Variants in AGO2 observed in about 807,000 individuals in gnomAD.
AGO2 encodes the protein protein argonaute-2.
In AGO2, 5 loss-of-function variants were observed where a neutral mutation model predicts 102.3. That is an observed-to-expected ratio of 0.05 (90% CI 0.03 to 0.10). The LOEUF (loss-of-function observed/expected upper bound fraction) is 0.10. Among genes scored for constraint, AGO2 ranks in the 10% least tolerant of loss-of-function variants. AGO2 has a pLI of 1.00. For missense variants in AGO2, 541 were observed against 1,183.7 expected, an observed-to-expected ratio of 0.46 and a Z score of 7.97; for synonymous variants, 449 against 473.1, an observed-to-expected ratio of 0.95 and a Z score of 0.66.
rs13252337 is a variant in AGO2, at chr8:140,539,284, A to G, written c.2169+36T>C. 395,892 of 1,573,646 alleles carry G rather than the reference A, an allele frequency of 0.25. 52,217 individuals are homozygous for G. The highest frequency in any genetic ancestry group is 0.36 in the East Asian group (15,932 of 44,370). ...CTCGGGGTGTGGGGCTGAGGGGAGAACCGTGCCCCCTGCCTGGAGTCATGC... is the reference window on the plus strand; with the variant it reads ...CTCGGGGTGTGGGGCTGAGGGGAGAGCCGTGCCCCCTGCCTGGAGTCATGC... On this transcript the variant is annotated intron_variant, in intron 16 of 18. Transcript: ENST00000220592. This position sits in a 1 kb window ranked among gnomAD's most constrained non-coding sequence, Gnocchi z 4.7.
intron 1 of AGO2, among the ~76,000 whole-genome samples, chr8:140,628,761 C>A (rs1452263313): frequency 6.7e-6 from 1 of 149,148 alleles, no homozygotes; most frequent in African/African-American, 2.5e-5. Flanking sequence ...TGAGACCCCA[C>A]CTCAAAATAA....
intron 14 of AGO2, among the ~76,000 whole-genome samples, chr8:140,542,876 C>T (rs1393541288): frequency 6.6e-6 from 1 of 152,156 alleles, no homozygotes; most frequent in Admixed American, 6.5e-5. Context: ...CAGTGGCTCA[C>T]GCCTGTCATC....
intron 6 of AGO2, 132 bp downstream of exon 6, chr8:140,559,263 C>G: frequency 8.6e-7 from 1 of 1,160,382 alleles, no homozygotes; most frequent in Non-Finnish European, 1.2e-6. Flanking sequence ...GCTACCTCAT[C>G]TGATGGCTAC....
chr8:140,626,385 G>A (rs1463762437), intron 1 of AGO2: 1 of 152,172 alleles, frequency 6.6e-6, no homozygotes, highest in African/African-American at 2.4e-5. Context: ...GTCAACAAAG[G>A]GGATCAAAGG....
Position 140,532,433 on chromosome 8 carries a change from C to G in AGO2, c.2454G>C (p.Val818=). Residue 818 remains valine, a synonymous_variant, in exon 18 of 19, where the codon GTG becomes GTC. Coordinates refer to ENST00000220592, the MANE Select transcript of AGO2 (RefSeq NM_012154.5). The part of the protein sequence containing the change: ...LVAFRARYHL[V]DKEHDSAEGS... ...CCACTCACCTGTCATGTTCCTTATC[C>G]ACCAGGTGGTACCTGGCCCGGAAGG... The G allele has an allele frequency of 6.2e-7, 1 of 1,613,716 alleles. No individual in the cohort carries two copies. The highest frequency in any genetic ancestry group is 1.1e-5 in the South Asian group (1 of 91,042).
At chr8:140,580,738 C>T (rs573219811) in intron 2 of AGO2, among the ~76,000 whole-genome samples, 1 of 152,346 alleles carries the variant, frequency 6.6e-6, no homozygotes, top group South Asian at 2.1e-4. Context: ...CTTGTGAGCA[C>T]AAACATTTTA....
Position 140,522,793 on chromosome 8 carries a change from T to C in AGO2, c.*9251A>G, listed in dbSNP as rs1444363721. 6.7e-6 allele frequency: 1 copy of C among 150,218 alleles called. No homozygotes were observed. The allele number at this position is 150,218 out of a possible 1,614,324, so 9.3% of individuals were successfully genotyped here. On this transcript the variant is annotated 3_prime_UTR_variant, in exon 19 of 19. Transcript: ENST00000220592. ...CCCTTTAACTCCAGAAAAAAATAAC[T>C]TGAATTATGATACAGCATCTTGATC...
intron 1 of AGO2, among the ~76,000 whole-genome samples, chr8:140,605,366 C>T (rs908096418): frequency 1.3e-5 from 2 of 152,098 alleles, no homozygotes; most frequent in Non-Finnish European, 2.9e-5. Flanking sequence ...CAACGTGCCG[C>T]GATTACAGGT....
intron 12 of AGO2, among the ~76,000 whole-genome samples, 182 bp downstream of exon 12, chr8:140,548,932 C>T (rs2072948775): frequency 6.6e-6 from 1 of 152,276 alleles, no homozygotes; most frequent in Non-Finnish European, 1.5e-5. Flanking sequence ...GACGGGGAGG[C>T]CCTGAACACA....
At chr8:140,581,814 G>C (rs2073561974) in intron 2 of AGO2, among the ~76,000 whole-genome samples, 1 of 152,194 alleles carries the variant, frequency 6.6e-6, no homozygotes, top group South Asian at 2.1e-4. Flanking sequence ...TGGACATGTT[G>C]AGTGAATCCA....
intron 10 of AGO2, 54 bp downstream of exon 10, chr8:140,555,842 C>T (rs987795476): frequency 3.8e-6 from 6 of 1,576,168 alleles, no homozygotes; most frequent in South Asian, 1.1e-5. Context: ...TGAGAGGGGT[C>T]GCAGGGCAGA....
intron 1 of AGO2, among the ~76,000 whole-genome samples, chr8:140,601,660 G>A (rs1194125107): frequency 6.6e-6 from 1 of 152,246 alleles, no homozygotes; most frequent in Non-Finnish European, 1.5e-5. Context: ...CTGCCAGCTA[G>A]AGTCATCTCT....
intron 1 of AGO2, among the ~76,000 whole-genome samples, chr8:140,612,372 T>C (rs888227167): frequency 1.3e-5 from 2 of 152,054 alleles, no homozygotes; most frequent in African/African-American, 4.8e-5. Context: ...GTGTTCCAAA[T>C]GCCTGGTGCA....
At chr8:140,616,330 C>T (rs936780280) in intron 1 of AGO2, among the ~76,000 whole-genome samples, 1 of 152,240 alleles carries the variant, frequency 6.6e-6, no homozygotes, top group Non-Finnish European at 1.5e-5. Context: ...CAGCGAGCCG[C>T]AGGCACCAAC....
intron 8 of AGO2, 101 bp downstream of exon 8, chr8:140,556,988 G>A: frequency 2.0e-6 from 3 of 1,470,390 alleles, no homozygotes; most frequent in Non-Finnish European, 1.8e-6. Flanking sequence ...AGTGCCATTT[G>A]TATCTGACTG....
chr8:140,524,285 A>G lies in AGO2; in HGVS notation c.*7759T>C, dbSNP rs1459815784. 6.6e-6 allele frequency: 1 copy of G among 152,346 alleles called. No homozygotes were observed. Among genetic ancestry groups the G allele is most frequent in the East Asian group, 1.9e-4 (1 of 5,188 alleles). 9.4% of individuals were successfully genotyped at this position (152,346 alleles called of 1,614,324 possible). ...CAATAAATATTCTTCTCGAGTGACT[A>G]TGAGAACAAGACCACCAGGCTTTGC... On this transcript the variant is annotated 3_prime_UTR_variant, in exon 19 of 19. Transcript: ENST00000220592.
At chr8:140,626,521 A>T (rs1401919100) in intron 1 of AGO2, 2 of 152,154 alleles carry the variant, frequency 1.3e-5, no homozygotes, top group African/African-American at 2.4e-5. Context: ...CGCCCGCATC[A>T]TCTCCTCTGA....
chr8:140,601,922 A>ACGGT (rs1416950790), intron 1 of AGO2, among the ~76,000 whole-genome samples: 1 of 152,036 alleles, frequency 6.6e-6, no homozygotes, highest in Non-Finnish European at 1.5e-5. Flanking sequence ...CTCCTCCTCC[A>ACGGT]CGGTCTTTCC....
intron 1 of AGO2, among the ~76,000 whole-genome samples, chr8:140,621,810 G>A (rs2074220393): frequency 3.9e-5 from 6 of 152,108 alleles, no homozygotes; most frequent in South Asian, 2.1e-4. Flanking sequence ...ATGAGGACGC[G>A]GAGAAACTGA....
Sources: allele counts gnomAD v4.1 joint callset (sites outside exome capture counted in the v4.1 genomes callset), GRCh38; gene constraint gnomAD v4.1.1; non-coding constraint Gnocchi (gnomAD v3.1); transcripts MANE v1.5; gene names NCBI Gene and HGNC (gene_info 2026-07-23, HGNC 2026-07-21).